SEC14L1: variants seen among roughly 807,000 people sequenced by gnomAD.
The protein encoded by SEC14L1 is SEC14-like protein 1.
SEC14L1 carries 48 observed loss-of-function variants against 85.3 expected under a neutral mutation model. The ratio of observed to expected loss-of-function variants is 0.56; its 90% CI spans 0.45 to 0.72. SEC14L1 has a LOEUF of 0.72. SEC14L1 is among the 30% of genes least tolerant of loss of function. SEC14L1 has a pLI of 0.00. For missense variants in SEC14L1, 682 were observed against 921.4 expected (o/e 0.74, Z 3.36); for synonymous variants, 391 against 355.5 (o/e 1.10, Z -1.12).
intron 5 of SEC14L1, among the ~76,000 whole-genome samples, chr17:77,191,634 C>T (rs1439955783): frequency 6.6e-6 from 1 of 152,076 alleles, no homozygotes; most frequent in African/African-American, 2.4e-5. Context: ...CCTCTGCTTC[C>T]CGAGTTCAAG....
At chr17:77,132,037 T>G (rs1972628299) in intron 3 of SEC14L1, among the ~76,000 whole-genome samples, 1 of 152,214 alleles carries the variant, frequency 6.6e-6, no homozygotes, top group African/African-American at 2.4e-5. Flanking sequence ...CACTGGATTA[T>G]TGCCAGGGCT....
chr17:77,165,629 G>T (rs906691296), intron 3 of SEC14L1, among the ~76,000 whole-genome samples: 2 of 152,082 alleles, frequency 1.3e-5, no homozygotes, highest in Admixed American at 1.3e-4. Context: ...TATGATAAGG[G>T]GAGTGTTTTA....
chr17:77,177,317 A>G (rs371473030), intron 3 of SEC14L1, among the ~76,000 whole-genome samples: 4 of 151,352 alleles, frequency 2.6e-5, no homozygotes, highest in African/African-American at 2.4e-5. Flanking sequence ...GAAATGTAAC[A>G]GACAGTAGAA....
chr17:77,156,738 A>G (rs1267309236), intron 3 of SEC14L1, among the ~76,000 whole-genome samples: 1 of 152,100 alleles, frequency 6.6e-6, no homozygotes, highest in Non-Finnish European at 1.5e-5. Context: ...ACATTGGAAC[A>G]TAGTCGTTTG....
At chr17:77,212,328 G>C in intron 15 of SEC14L1, 127 bp downstream of exon 15, 2 of 1,356,802 alleles carry the variant, frequency 1.5e-6, no homozygotes, top group Non-Finnish European at 2.0e-6. Flanking sequence ...TGCTTGTGGA[G>C]GAGCAGCTTG....
intron 6 of SEC14L1, 112 bp from the exon 7 acceptor site, chr17:77,194,564 AG>A: frequency 1.3e-6 from 1 of 761,854 alleles, no homozygotes. Context: ...AAAAAAAAAA[AG>A]ATTGTGAGGC....
rs1779335300 is a variant in SEC14L1, at chr17:77,213,049, T to TG, written c.1864-262dup. Among the ~76,000 whole-genome samples, 1 of 152,134 alleles carries TG rather than the reference T, an allele frequency of 6.6e-6. No homozygotes were observed. The highest frequency in any genetic ancestry group is 1.5e-5 in the Non-Finnish European group (1 of 68,004). ...CAGGCTCCTGCCTCCGTAGGTGGGG[T>TG]GGGCTGGGCAGGCCTCGTGAGGGCC... On this transcript the variant is annotated intron_variant, in intron 15 of 16. Coordinates refer to ENST00000436233, the MANE Select transcript of SEC14L1 (RefSeq NM_001143998.2). The surrounding 1 kb of genome is among the most constrained non-coding windows in gnomAD (Gnocchi z 7.1).
intron 3 of SEC14L1, among the ~76,000 whole-genome samples, chr17:77,157,115 A>G (rs1449249063): frequency 6.6e-6 from 1 of 152,148 alleles, no homozygotes; most frequent in East Asian, 1.9e-4. Context: ...TAATCACAAA[A>G]TGTGTGTGTT....
chr17:77,207,264 G>A (rs968164115), intron 13 of SEC14L1, among the ~76,000 whole-genome samples: 1 of 131,196 alleles, frequency 7.6e-6, no homozygotes, highest in Non-Finnish European at 1.6e-5. Context: ...GACAGGGTCC[G>A]GCTCTGTCAC....
At chr17:77,187,665 A>G (rs1373551650) in intron 3 of SEC14L1, among the ~76,000 whole-genome samples, 2 of 151,756 alleles carry the variant, frequency 1.3e-5, no homozygotes, top group East Asian at 1.9e-4. Flanking sequence ...GACGTGAGCC[A>G]CTGCACCCGG....
intron 10 of SEC14L1, 59 bp downstream of exon 10, chr17:77,203,717 A>G (rs1976303806): frequency 3.7e-6 from 5 of 1,357,682 alleles, no homozygotes; most frequent in Non-Finnish European, 5.2e-6. Flanking sequence ...TTTCTCTGCC[A>G]GTAGGATTGG....
At chr17:77,157,876 G>A (rs936402541) in intron 3 of SEC14L1, among the ~76,000 whole-genome samples, 2 of 151,912 alleles carry the variant, frequency 1.3e-5, no homozygotes, top group South Asian at 2.1e-4. Context: ...TCAACAGGCT[G>A]TATAAATAGG....
chr17:77,093,741 T>C (rs1424920883), intron 3 of SEC14L1: 1 of 152,252 alleles, frequency 6.6e-6, no homozygotes, highest in Non-Finnish European at 1.5e-5. Flanking sequence ...ACACTGAAGA[T>C]GACCATGCCT....
intron 3 of SEC14L1, among the ~76,000 whole-genome samples, chr17:77,164,045 G>C (rs1412242000): frequency 1.3e-5 from 2 of 152,228 alleles, no homozygotes; most frequent in East Asian, 3.8e-4. Context: ...GTGCTTGTGT[G>C]GCAATATCTT....
At chr17:77,174,251 C>G (rs917254333) in intron 3 of SEC14L1, among the ~76,000 whole-genome samples, 12 of 152,094 alleles carry the variant, frequency 7.9e-5, no homozygotes, top group African/African-American at 2.9e-4. Flanking sequence ...CCCAACCCCC[C>G]TTACTTGAGA....
chr17:77,187,737 ATTTTTT>A (rs34369532), intron 3 of SEC14L1, among the ~76,000 whole-genome samples: 1 of 135,138 alleles, frequency 7.4e-6, no homozygotes, highest in Non-Finnish European at 1.6e-5. Flanking sequence ...GGCTACTGGA[ATTTTTT>A]TTTTTTTTTT....
At chr17:77,121,470 T>C (rs1972295371) in intron 3 of SEC14L1, among the ~76,000 whole-genome samples, 1 of 152,304 alleles carries the variant, frequency 6.6e-6, no homozygotes, top group Admixed American at 6.5e-5. Flanking sequence ...GCGATTCTCC[T>C]GCCTCAGCCT....
At chr17:77,113,159 GA>G (rs1972085719) in intron 3 of SEC14L1, among the ~76,000 whole-genome samples, 1 of 151,246 alleles carries the variant, frequency 6.6e-6, no homozygotes, top group South Asian at 2.1e-4. Flanking sequence ...ACCTTGTCTC[GA>G]AAAACAAAAA....
intron 5 of SEC14L1, 135 bp from the exon 6 acceptor site, chr17:77,193,286 C>T: frequency 2.7e-6 from 2 of 735,842 alleles, no homozygotes; most frequent in Middle Eastern, 4.3e-4. Context: ...GCATTTTTTC[C>T]ATCTGCTGTC....
Sources: gnomAD v4.1 joint callset for allele counts (sites outside exome capture counted in the v4.1 genomes callset) on GRCh38, gnomAD v4.1.1 for gene constraint, Gnocchi (gnomAD v3.1) non-coding constraint, MANE v1.5 for transcripts, NCBI Gene and HGNC (gene_info 2026-07-23, HGNC 2026-07-21) for gene names.